CMSS1: variants seen among roughly 807,000 people sequenced by gnomAD.
CMSS1 encodes cms1 ribosomal small subunit homolog.
In CMSS1, 33 loss-of-function variants were observed where a neutral mutation model predicts 43.5. The observed-to-expected ratio is 0.76, with a 90% confidence interval of 0.57 to 1.01. The LOEUF is 1.01. CMSS1 is among the 50% of genes least tolerant of loss of function. The pLI is 0.00. For synonymous variants in CMSS1, 115 were observed against 117.2 expected (o/e 0.98, Z 0.12); for missense variants, 313 against 326.4 (o/e 0.96, Z 0.32).
intron 1 of CMSS1, among the ~76,000 whole-genome samples, chr3:100,116,178 A>T (rs2066567458): frequency 6.6e-6 from 1 of 152,194 alleles, no homozygotes; most frequent in Admixed American, 6.5e-5. Context: ...CTGTAAAATT[A>T]TGGTTTTTCC....
intron 1 of CMSS1, among the ~76,000 whole-genome samples, chr3:99,895,377 C>CT (rs35156845): frequency 0.022 from 2,766 of 128,086 alleles, 47 homozygotes; most frequent in Middle Eastern, 0.042. Flanking sequence ...GTCAGCAGGA[C>CT]TTTTTTTTTT....
intron 1 of CMSS1, among the ~76,000 whole-genome samples, chr3:100,118,520 G>T (rs1300037830): frequency 6.6e-6 from 1 of 152,116 alleles, no homozygotes; most frequent in East Asian, 1.9e-4. Flanking sequence ...TATGAAACTA[G>T]CCATTTGTTG....
At chr3:100,045,569 A>T (rs1408677160) in intron 1 of CMSS1, among the ~76,000 whole-genome samples, 1 of 151,812 alleles carries the variant, frequency 6.6e-6, no homozygotes, top group African/African-American at 2.4e-5. Context: ...AGGGGACTTC[A>T]TTTATCTTAA....
At chr3:99,878,379 A>G (rs1359524914) in intron 1 of CMSS1, among the ~76,000 whole-genome samples, 1 of 152,254 alleles carries the variant, frequency 6.6e-6, no homozygotes, top group East Asian at 1.9e-4. Context: ...AGAAGGCTAA[A>G]GTGGCTTGAC....
intron 1 of CMSS1, among the ~76,000 whole-genome samples, chr3:99,838,055 T>C (rs1377197192): frequency 6.6e-6 from 1 of 152,244 alleles, no homozygotes; most frequent in Non-Finnish European, 1.5e-5. Context: ...AGGTACCTCC[T>C]GCTCTGCACA....
In CMSS1 at chr3:100,148,980, T is replaced by C. The variant is rs150647372; in HGVS notation, c.153+1919T>C. On this transcript the variant is annotated intron_variant, in intron 2 of 9. Transcript: ENST00000421999. Reference sequence around the variant, plus strand: ...ATTTCCTCAAGGTGGGGTTTAATTTTTCCCTAGCTTATCCCACTAATCATA... The same window carrying C: ...ATTTCCTCAAGGTGGGGTTTAATTTCTCCCTAGCTTATCCCACTAATCATA... Among the ~76,000 whole-genome samples the C allele has an allele frequency of 4.9e-3, 741 of 152,282 alleles. 2 individuals are homozygous for C. The highest frequency in any genetic ancestry group is 6.7e-3 in the Non-Finnish European group (455 of 68,008).
At position 100,014,562 on chromosome 3, in the gene CMSS1, G is replaced by T. The variant is rs144706718; in HGVS notation, c.65-132411G>T. ...AGATGTGAGGTGATATCTTATTGTG[G>T]TTTTAAATTTTGTTTCCCTGATGTC... is the stretch of plus-strand genomic sequence containing the variant. On this transcript the variant is annotated intron_variant, in intron 1 of 9. Coordinates refer to ENST00000421999, the MANE Select transcript of CMSS1 (RefSeq NM_032359.4). 4.6e-3 allele frequency among the ~76,000 whole-genome samples: 704 copies of T among 152,040 alleles called. 5 individuals carry two copies. Among genetic ancestry groups the T allele is most frequent in the African/African-American group, 0.016 (671 of 41,484 alleles).
intron 1 of CMSS1, among the ~76,000 whole-genome samples, chr3:100,106,547 A>G (rs937844784): frequency 2.0e-5 from 3 of 152,208 alleles, no homozygotes; most frequent in Non-Finnish European, 4.4e-5. Flanking sequence ...AGAAAGGTTG[A>G]GAGCTGGAGA....
At chr3:99,846,155 C>T (rs1227557718) in intron 1 of CMSS1, among the ~76,000 whole-genome samples, 2 of 152,278 alleles carry the variant, frequency 1.3e-5, no homozygotes, top group Admixed American at 6.5e-5. Flanking sequence ...TTCCCTCCCC[C>T]CGTCCCCCAC....
intron 1 of CMSS1, among the ~76,000 whole-genome samples, chr3:99,948,627 AAGG>A (rs1310436327): frequency 2.2e-4 from 32 of 144,208 alleles, no homozygotes; most frequent in East Asian, 1.1e-3. Context: ...GAGAGAGAGG[AAGG>A]AGGAGGAGGA....
chr3:99,902,702 G>A (rs912291063), intron 1 of CMSS1, among the ~76,000 whole-genome samples: 120 of 152,150 alleles, frequency 7.9e-4, no homozygotes, highest in African/African-American at 2.8e-3. Flanking sequence ...AATCAATAGT[G>A]TGATCTTATT....
intron 1 of CMSS1, among the ~76,000 whole-genome samples, chr3:100,066,517 C>CTTTTTTTTT (rs545356638): frequency 5.2e-5 from 2 of 38,318 alleles, no homozygotes; most frequent in Non-Finnish European, 8.8e-5. Context: ...GGCTTTGCTT[C>CTTTTTTTTT]TTTTTTTTTT....
intron 2 of CMSS1, among the ~76,000 whole-genome samples, chr3:100,153,992 A>G (rs1402495399): frequency 6.6e-6 from 1 of 152,038 alleles, no homozygotes; most frequent in Non-Finnish European, 1.5e-5. Flanking sequence ...CTGGGATTAC[A>G]GGCATCTGCC....
intron 2 of CMSS1, 24 bp from the exon 3 acceptor site, chr3:100,160,406 G>A (rs1358605466): frequency 8.2e-7 from 1 of 1,214,340 alleles, no homozygotes; most frequent in East Asian, 2.4e-5. Context: ...AGATTAAAAT[G>A]TTCTCATTTG....
chr3:100,034,840 G>C (rs554394093), intron 1 of CMSS1, among the ~76,000 whole-genome samples: 1 of 152,042 alleles, frequency 6.6e-6, no homozygotes, highest in Non-Finnish European at 1.5e-5. Context: ...ATCAGTAAAC[G>C]GTATATACAT....
At chr3:100,146,949 A>T (rs2066856616) in intron 1 of CMSS1, 24 bp from the exon 2 acceptor site, 1 of 1,608,824 alleles carries the variant, frequency 6.2e-7, no homozygotes, top group African/African-American at 1.3e-5. Flanking sequence ...GACTTTTCTG[A>T]TTTTCAAACT....
chr3:100,056,123 G>A (rs2065460029), intron 1 of CMSS1, among the ~76,000 whole-genome samples: 1 of 152,128 alleles, frequency 6.6e-6, no homozygotes, highest in African/African-American at 2.4e-5. Flanking sequence ...TGAAGGGAAG[G>A]GAAGGCAGGG....
At chr3:99,846,023 A>C (rs1270293141) in intron 1 of CMSS1, among the ~76,000 whole-genome samples, 2 of 152,216 alleles carry the variant, frequency 1.3e-5, no homozygotes, top group Non-Finnish European at 2.9e-5. Flanking sequence ...TGTTAACTTT[A>C]TTATAGAGAA....
intron 1 of CMSS1, among the ~76,000 whole-genome samples, chr3:99,973,741 TC>T (rs1436309841): frequency 1.3e-5 from 2 of 152,178 alleles, no homozygotes; most frequent in East Asian, 3.8e-4. Context: ...CTCACTTTTT[TC>T]CCCCAGTTTG....
Sources: gnomAD v4.1 joint callset for allele counts (sites outside exome capture counted in the v4.1 genomes callset) on GRCh38, gnomAD v4.1.1 for gene constraint, MANE v1.5 for transcripts, NCBI Gene and HGNC (gene_info 2026-07-23, HGNC 2026-07-21) for gene names.